AK4: variants seen among roughly 807,000 people sequenced by gnomAD.
The protein encoded by AK4 is adenylate kinase 4, mitochondrial.
AK4 carries 13 observed loss-of-function variants against 24.6 expected under a neutral mutation model. The ratio of observed to expected loss-of-function variants is 0.53; its 90% CI spans 0.34 to 0.84. The LOEUF (loss-of-function observed/expected upper bound fraction) is 0.84. Ranked by LOEUF, AK4 falls within the 40% of genes least tolerant of loss-of-function variation. The pLI is 0.01. For missense variants in AK4, 192 were observed against 288.2 expected, an observed-to-expected ratio of 0.67 and a Z score of 2.42; for synonymous variants, 88 against 107.0, an observed-to-expected ratio of 0.82 and a Z score of 1.10.
intron 2 of AK4, among the ~76,000 whole-genome samples, chr1:65,205,347 G>A (rs974069592): frequency 5.9e-5 from 9 of 152,066 alleles, no homozygotes; most frequent in Non-Finnish European, 2.9e-5. Flanking sequence ...GGATCCTCCC[G>A]CCTCAGCCTC....
intron 1 of AK4, among the ~76,000 whole-genome samples, chr1:65,171,491 G>C (rs1408329785): frequency 6.6e-6 from 1 of 151,512 alleles, no homozygotes; most frequent in African/African-American, 2.4e-5. Context: ...TTTTTCAGTA[G>C]AGACGGGGTT....
intron 1 of AK4, among the ~76,000 whole-genome samples, chr1:65,160,451 T>A (rs1040965452): frequency 4.6e-5 from 7 of 152,164 alleles, no homozygotes; most frequent in African/African-American, 1.7e-4. Context: ...ATTTTAAAAA[T>A]TTTCCACTAG....
Position 65,224,773 on chromosome 1 carries a change from G to A in AK4, c.460G>A (p.Glu154Lys). 1 of 1,613,150 alleles carries A rather than the reference G, an allele frequency of 6.2e-7. No homozygotes were observed. Among genetic ancestry groups the A allele is most frequent in the South Asian group, 1.1e-5 (1 of 91,012 alleles). Residue 154 changes from glutamate (E) to lysine (K), a missense_variant, in exon 4 of 5, where the codon GAA becomes AAA. By Grantham distance (56) the Glu-to-Lys change is moderately conservative. Transcript: ENST00000327299. ...HVHGIDDVTGEPLVQQEDDKP... is the reference protein window; with the variant it reads ...HVHGIDDVTGKPLVQQEDDKP... The stretch of plus-strand genomic sequence containing the variant: ...GTAGGGTATTGATGACGTCACTGGT[G>A]AACCGTTAGTCCAGCAGGAGGATGA...
chr1:65,197,322 T>C (rs1216362188), intron 2 of AK4, among the ~76,000 whole-genome samples: 1 of 152,250 alleles, frequency 6.6e-6, no homozygotes, highest in Non-Finnish European at 1.5e-5. Flanking sequence ...AGTAGAATTA[T>C]CTGCCATATG....
intron 1 of AK4, among the ~76,000 whole-genome samples, chr1:65,172,064 T>C (rs1363930081): frequency 1.3e-4 from 1 of 7,702 alleles, no homozygotes; most frequent in Non-Finnish European, 1.8e-4. Context: ...CCATCTCAAG[T>C]ATATATATAT....
In AK4 at chr1:65,189,639, T is replaced by C. The variant is rs1415584870; in HGVS notation, c.146-1071T>C. ...AGAGAGCAGAGGATTTCATTTGTGG[T>C]AAAACACATACGCGTGCACACACAC... On this transcript the variant is annotated intron_variant, in intron 1 of 4. Transcript: ENST00000327299. Among the ~76,000 whole-genome samples, 3 of 146,068 alleles carry C rather than the reference T, an allele frequency of 2.1e-5. No homozygotes were observed. The Admixed American group carries it at 2.1e-4, about 10-fold the overall frequency.
intron 1 of AK4, among the ~76,000 whole-genome samples, chr1:65,165,245 T>C (rs1650290699): frequency 6.6e-6 from 1 of 152,232 alleles, no homozygotes; most frequent in Non-Finnish European, 1.5e-5. Flanking sequence ...TTGTTTGTTA[T>C]ACCTCTGGAC....
At position 65,218,896 on chromosome 1, in the gene AK4, T is replaced by C; in HGVS notation, c.408T>C (p.Tyr136=). The change falls in exon 3 of 5, where the codon TAT becomes TAC. Residue 136 remains tyrosine, a synonymous_variant. Coordinates refer to ENST00000327299, the MANE Select transcript of AK4 (RefSeq NM_013410.4). The stretch of plus-strand genomic sequence containing the variant: ...TTCACCCTCCTAGCGGAAGGGTATA[T>C]AACCTGGACTTCAATCCACCTCATG... ...RWIHPPSGRV[Y]NLDFNPPHVH... is the part of the protein sequence containing the mutation. The C allele has an allele frequency of 6.3e-7, 1 of 1,597,354 alleles. No homozygotes were observed.
chr1:65,225,959 G>A lies in AK4; in HGVS notation c.558-104G>A, dbSNP rs969097506. 5.0e-6 allele frequency: 6 copies of A among 1,205,854 alleles called. No homozygotes were observed. The African/African-American group carries it at 9.0e-5, about 18-fold the overall frequency. The allele number at this position is 1,205,854 out of a possible 1,614,324, so 74.7% of individuals were successfully genotyped here. On this transcript the variant is annotated intron_variant, in intron 4 of 4. Coordinates refer to ENST00000327299, the MANE Select transcript of AK4 (RefSeq NM_013410.4). ...TGTTTTAGCACTTAGTGTGGTATAT[G>A]ATATAGACCATGAGATCATGCTTGT...
chr1:65,148,123 T>A (rs2100968783), upstream of AK4: 2 of 526,876 alleles, frequency 3.8e-6, no homozygotes, highest in South Asian at 6.8e-5. Context: ...CACGGCGCGC[T>A]TCAGCAGCTT....
chr1:65,186,709 G>A (rs2101034397), intron 1 of AK4, among the ~76,000 whole-genome samples: 1 of 152,232 alleles, frequency 6.6e-6, no homozygotes, highest in South Asian at 2.1e-4. Context: ...GGGGCTCTGG[G>A]CCTGGCGTGA....
chr1:65,192,621 G>A (rs1651341230), intron 2 of AK4, among the ~76,000 whole-genome samples: 1 of 152,098 alleles, frequency 6.6e-6, no homozygotes, highest in Non-Finnish European at 1.5e-5. Flanking sequence ...AAAAGTCCAA[G>A]CTAAATCAGA....
intron 2 of AK4, among the ~76,000 whole-genome samples, chr1:65,198,161 T>A (rs1651541963): frequency 6.6e-6 from 1 of 152,232 alleles, no homozygotes; most frequent in African/African-American, 2.4e-5. Flanking sequence ...TCTCAGGTTG[T>A]TACTAAGGCA....
Position 65,170,230 on chromosome 1 carries a change from C to T in AK4, c.146-20480C>T, listed in dbSNP as rs543640664. On this transcript the variant is annotated intron_variant, in intron 1 of 4. Coordinates refer to ENST00000327299, the MANE Select transcript of AK4 (RefSeq NM_013410.4). Reference sequence around the variant, plus strand: ...ACAAAAAAAGAAAATTACCCAGGTGCGGTGGCGGGCGCCTGTAGTCCCAGC... The same window carrying T: ...ACAAAAAAAGAAAATTACCCAGGTGTGGTGGCGGGCGCCTGTAGTCCCAGC... 2.7e-4 allele frequency among the ~76,000 whole-genome samples: 41 copies of T among 152,178 alleles called. 1 individual carries two copies. The highest frequency in any genetic ancestry group is 3.4e-3 in the Middle Eastern group (1 of 294).
chr1:65,156,532 G>A (rs1397113024), intron 1 of AK4, among the ~76,000 whole-genome samples: 1 of 151,748 alleles, frequency 6.6e-6, no homozygotes, highest in Non-Finnish European at 1.5e-5. Context: ...CTTACATTTT[G>A]GCCTCAGGTC....
chr1:65,155,995 A>G (rs1649970212), intron 1 of AK4, among the ~76,000 whole-genome samples: 1 of 152,070 alleles, frequency 6.6e-6, no homozygotes, highest in Non-Finnish European at 1.5e-5. Context: ...GAGTTACATT[A>G]TTATTGCATT....
chr1:65,148,564 C>CGGGGACG lies in AK4; in HGVS notation c.145+13_145+19dup. 1 of 1,593,464 alleles carries CGGGGACG rather than the reference C, an allele frequency of 6.3e-7. No individual in the cohort carries two copies. The highest frequency in any genetic ancestry group is 8.5e-7 in the Non-Finnish European group (1 of 1,169,724). On this transcript the variant is annotated intron_variant, in intron 1 of 4. Coordinates refer to ENST00000327299, the MANE Select transcript of AK4 (RefSeq NM_013410.4). ...CAAGGCCAGCACCGGTGAGGGGCTGCGGGGACGAGGGCCGGGGGCGAGCCG... is the reference window on the plus strand; with the variant it reads ...CAAGGCCAGCACCGGTGAGGGGCTGCGGGGACGGGGGACGAGGGCCGGGGGCGAGCCG...
At chr1:65,173,787 C>T (rs546492798) in intron 1 of AK4, among the ~76,000 whole-genome samples, 5 of 151,870 alleles carry the variant, frequency 3.3e-5, no homozygotes, top group East Asian at 1.9e-4. Context: ...CCCCTAAACC[C>T]GGGAAGCTGA....
chr1:65,199,081 C>T (rs541431728), intron 2 of AK4, among the ~76,000 whole-genome samples: 22 of 120,144 alleles, frequency 1.8e-4, no homozygotes, highest in African/African-American at 3.9e-4. Context: ...AGCGAGACTC[C>T]GCCTCAAAAA....
Sources: allele counts gnomAD v4.1 joint callset (sites outside exome capture counted in the v4.1 genomes callset), GRCh38; gene constraint gnomAD v4.1.1; transcripts MANE v1.5; gene names NCBI Gene and HGNC (gene_info 2026-07-23, HGNC 2026-07-21).